TNR: variants seen among roughly 807,000 people sequenced by gnomAD.
TNR encodes the protein tenascin-R.
A neutral mutation model predicts 150.4 loss-of-function variants in TNR; 45 were observed. The observed-to-expected ratio is 0.30, with a 90% CI of 0.24 to 0.38. The LOEUF (loss-of-function observed/expected upper bound fraction) is 0.38, where lower values mean the gene tolerates loss of function less well. Among genes scored for constraint, TNR ranks in the 10% least tolerant of loss-of-function variants. The pLI, the probability that TNR is intolerant of heterozygous loss-of-function variation, is 1.00. For missense variants in TNR, 1,544 were observed against 1,759.1 expected (o/e 0.88, Z 2.19); for synonymous variants, 687 against 678.4 (o/e 1.01, Z -0.20).
chr1:175,332,467 G>A (rs1323946012), intron 20 of TNR, among the ~76,000 whole-genome samples: 1 of 152,096 alleles, frequency 6.6e-6, no homozygotes, highest in Non-Finnish European at 1.5e-5. Flanking sequence ...ACCCCATATA[G>A]TACATAAACT....
intron 2 of TNR, among the ~76,000 whole-genome samples, chr1:175,413,218 G>C (rs559008901): frequency 4.6e-5 from 7 of 152,294 alleles, no homozygotes; most frequent in Admixed American, 2.0e-4. Flanking sequence ...TAGATATGGG[G>C]TTTCACCATG....
At chr1:175,609,000 C>T (rs1191685071) in intron 1 of TNR, among the ~76,000 whole-genome samples, 1 of 152,208 alleles carries the variant, frequency 6.6e-6, no homozygotes. Flanking sequence ...CTTCCACAGG[C>T]CCATAAGAGG....
intron 1 of TNR, among the ~76,000 whole-genome samples, chr1:175,577,201 C>T (rs984445223): frequency 7.2e-5 from 11 of 152,286 alleles, no homozygotes; most frequent in African/African-American, 2.4e-4. Context: ...ACTCTAGAGA[C>T]AATAGGGGCC....
At chr1:175,567,662 G>C (rs1661696287) in intron 1 of TNR, among the ~76,000 whole-genome samples, 1 of 152,160 alleles carries the variant, frequency 6.6e-6, no homozygotes, top group East Asian at 1.9e-4. Flanking sequence ...GTGAGAAGGA[G>C]GAACCTGGGA....
intron 1 of TNR, among the ~76,000 whole-genome samples, chr1:175,635,928 C>T (rs1055035110): frequency 6.6e-6 from 1 of 152,190 alleles, no homozygotes. Context: ...ACACAGATAT[C>T]ATACATACTC....
At chr1:175,541,789 G>A (rs1660509622) in intron 1 of TNR, among the ~76,000 whole-genome samples, 1 of 152,102 alleles carries the variant, frequency 6.6e-6, no homozygotes, top group Non-Finnish European at 1.5e-5. Context: ...CCCCACCCCT[G>A]GCTCTATGAA....
intron 1 of TNR, among the ~76,000 whole-genome samples, chr1:175,632,506 C>T (rs115784733): frequency 6.6e-6 from 1 of 152,296 alleles, no homozygotes; most frequent in Non-Finnish European, 1.5e-5. Context: ...AACAACAAAA[C>T]TATCTGAGAT....
intron 1 of TNR, among the ~76,000 whole-genome samples, chr1:175,532,261 C>T (rs1441819286): frequency 1.3e-5 from 2 of 152,222 alleles, no homozygotes; most frequent in Admixed American, 6.5e-5. Context: ...ATTTTGTTCT[C>T]AATTCTCACA....
intron 1 of TNR, among the ~76,000 whole-genome samples, chr1:175,648,090 G>T (rs764713600): frequency 6.6e-6 from 1 of 151,770 alleles, no homozygotes; most frequent in Admixed American, 6.6e-5. Flanking sequence ...TATATTTTAC[G>T]TTCTCTTCTC....
intron 1 of TNR, among the ~76,000 whole-genome samples, chr1:175,623,730 G>C (rs1402481004): frequency 1.3e-5 from 2 of 152,220 alleles, no homozygotes; most frequent in African/African-American, 4.8e-5. Context: ...ACCAGCAGAG[G>C]ATTAGAGTGA....
rs117589676 is a variant in TNR, at chr1:175,527,315, T to C, written c.-64+954A>G. ...GTTTTAAATGGCATGGGGTACTTTG[T>C]AGTCAAGTGCCCCCAAGGAAGGCAG... On this transcript the variant is annotated intron_variant, in intron 2 of 22. Coordinates refer to ENST00000367674, the MANE Select transcript of TNR (RefSeq NM_003285.3). Among the ~76,000 whole-genome samples, 147 of 152,320 alleles carry C rather than the reference T, an allele frequency of 9.7e-4. 1 individual carries two copies. The East Asian group carries it at 0.022, about 23-fold the overall frequency.
In TNR at chr1:175,512,980, C is replaced by T. The variant is rs1454063348; in HGVS notation, c.-64+15289G>A. ...GACCAAGGCATCAGCCATTTCCTCACTTGGATGCTATAGAATTTCAGGTCA... is the reference window on the plus strand; with the variant it reads ...GACCAAGGCATCAGCCATTTCCTCATTTGGATGCTATAGAATTTCAGGTCA... On this transcript the variant is annotated intron_variant, in intron 2 of 22. Transcript: ENST00000367674. Among the ~76,000 whole-genome samples the T allele has an allele frequency of 2.0e-5, 3 of 152,204 alleles. No homozygotes were observed. In the East Asian group the frequency reaches 5.8e-4, roughly 29 times the overall value.
intron 1 of TNR, among the ~76,000 whole-genome samples, chr1:175,568,306 G>GT (rs11363778): frequency 0.11 from 16,557 of 146,760 alleles, 1,197 homozygotes; most frequent in East Asian, 0.38. Flanking sequence ...CCTAACTGCT[G>GT]TTTTTTTTTT....
intron 2 of TNR, among the ~76,000 whole-genome samples, chr1:175,494,107 G>T (rs527529038): frequency 9.9e-5 from 15 of 152,116 alleles, no homozygotes; most frequent in South Asian, 2.1e-4. Context: ...CCTCCCACCA[G>T]CCTGTCACTG....
At chr1:175,417,011 A>AAAAGAAAGAAAGAAAGGAAG (rs1654498851) in intron 2 of TNR, among the ~76,000 whole-genome samples, 9 of 90,904 alleles carry the variant, frequency 9.9e-5, no homozygotes, top group African/African-American at 4.1e-4. Context: ...CCATCTCAAA[A>AAAAGAAAGAAAGAAAGGAAG]AAAGAAAGAA....
intron 1 of TNR, among the ~76,000 whole-genome samples, chr1:175,589,216 T>C (rs1662696461): frequency 6.6e-6 from 1 of 152,224 alleles, no homozygotes; most frequent in Non-Finnish European, 1.5e-5. Flanking sequence ...CATATGGTGC[T>C]GCAACTAATT....
intron 2 of TNR, among the ~76,000 whole-genome samples, chr1:175,431,871 G>C (rs1428981104): frequency 7.9e-6 from 1 of 126,052 alleles, no homozygotes; most frequent in South Asian, 2.7e-4. Context: ...AGGGGGCAGG[G>C]GGCTGTCTGC....
intron 2 of TNR, among the ~76,000 whole-genome samples, chr1:175,438,300 T>C (rs759871439): frequency 4.9e-4 from 74 of 152,240 alleles, no homozygotes; most frequent in Admixed American, 1.6e-3. Flanking sequence ...TCAATAGATG[T>C]AGAAAAGGCC....
At chr1:175,333,105 G>GCAA (rs199564168) in intron 20 of TNR, among the ~76,000 whole-genome samples, 631 of 152,228 alleles carry the variant, frequency 4.1e-3, no homozygotes, top group African/African-American at 0.014. Context: ...ACCACTGCCA[G>GCAA]CAACAACAGG....
Sources: allele counts gnomAD v4.1 joint callset (sites outside exome capture counted in the v4.1 genomes callset), GRCh38; gene constraint gnomAD v4.1.1; transcripts MANE v1.5; gene names NCBI Gene and HGNC (gene_info 2026-07-23, HGNC 2026-07-21).